Variants in SLC25A48 observed in about 807,000 individuals in gnomAD.
The protein encoded by SLC25A48 is solute carrier family 25 member 48.
SLC25A48 carries 29 observed loss-of-function variants against 32.2 expected under a neutral mutation model. That is an observed-to-expected ratio of 0.90 (90% CI 0.67 to 1.23). The LOEUF is 1.23. Ranked by LOEUF, SLC25A48 falls within the 50% of genes most tolerant of loss-of-function variation. The pLI, the probability that SLC25A48 is intolerant of heterozygous loss-of-function variation, is 0.00. For missense variants in SLC25A48, 399 were observed against 422.7 expected, an observed-to-expected ratio of 0.94 and a Z score of 0.49; for synonymous variants, 164 against 172.3, an observed-to-expected ratio of 0.95 and a Z score of 0.38.
chr5:135,793,537 AAT>A (rs1253922894), intron 3 of SLC25A48, among the ~76,000 whole-genome samples: 3 of 151,880 alleles, frequency 2.0e-5, no homozygotes, highest in African/African-American at 7.3e-5. Context: ...TATTATTCGT[AAT>A]ATCCTTGGGA....
chr5:135,822,708 A>G (rs1448691902), intron 4 of SLC25A48, among the ~76,000 whole-genome samples: 2 of 152,240 alleles, frequency 1.3e-5, no homozygotes, highest in Non-Finnish European at 2.9e-5. Context: ...CCAGGGCTTA[A>G]GACTTGAACA....
intron 3 of SLC25A48, among the ~76,000 whole-genome samples, chr5:135,808,600 T>A (rs1350823788): frequency 2.0e-5 from 3 of 152,154 alleles, no homozygotes; most frequent in African/African-American, 7.2e-5. Flanking sequence ...TAGAAAATCC[T>A]GAGGGGTAAG....
At chr5:135,638,559 G>C (rs1044955700) in intron 3 of SLC25A48, among the ~76,000 whole-genome samples, 5 of 152,180 alleles carry the variant, frequency 3.3e-5, no homozygotes, top group African/African-American at 1.2e-4. Context: ...TTTTGTTTCT[G>C]AGTTGTGTGC....
At chr5:135,833,316 A>G (rs1333872294), upstream of SLC25A48, among the ~76,000 whole-genome samples, 1 of 152,180 alleles carries the variant, frequency 6.6e-6, no homozygotes, top group South Asian at 2.1e-4. Flanking sequence ...GACCTCCTCA[A>G]TTGGTGCTGA....
At chr5:135,658,916 G>A (rs887589332) in intron 3 of SLC25A48, among the ~76,000 whole-genome samples, 2 of 152,222 alleles carry the variant, frequency 1.3e-5, no homozygotes, top group African/African-American at 4.8e-5. Context: ...AGAGCAGCGG[G>A]GCCCTGGGTC....
chr5:135,589,217 T>A (rs1751449206), intron 1 of SLC25A48, among the ~76,000 whole-genome samples: 1 of 152,234 alleles, frequency 6.6e-6, no homozygotes, highest in South Asian at 2.1e-4. Flanking sequence ...ACAGATTTTA[T>A]GAAATGTGAA....
intron 3 of SLC25A48, among the ~76,000 whole-genome samples, chr5:135,688,790 T>C (rs1258402370): frequency 6.6e-6 from 1 of 152,168 alleles, no homozygotes; most frequent in Non-Finnish European, 1.5e-5. Flanking sequence ...AATGGAGAGA[T>C]GCTTTCACCA....
At chr5:135,747,390 C>A (rs1393283300) in intron 3 of SLC25A48, among the ~76,000 whole-genome samples, 1 of 147,072 alleles carries the variant, frequency 6.8e-6, no homozygotes, top group Non-Finnish European at 1.5e-5. Context: ...TATTATTATG[C>A]TTTCTGGTCA....
intron 3 of SLC25A48, among the ~76,000 whole-genome samples, chr5:135,811,201 C>G (rs1041459376): frequency 6.6e-6 from 1 of 152,166 alleles, no homozygotes; most frequent in African/African-American, 2.4e-5. Flanking sequence ...CTATCCCCAC[C>G]CCTAGATTCT....
chr5:135,755,151 C>T (rs1207044350), intron 3 of SLC25A48, among the ~76,000 whole-genome samples: 2 of 151,528 alleles, frequency 1.3e-5, no homozygotes, highest in African/African-American at 4.8e-5. Flanking sequence ...TTTATGATAC[C>T]CAGTGTTTAC....
intron 7 of SLC25A48, among the ~76,000 whole-genome samples, chr5:135,881,323 G>A (rs1202934236): frequency 6.6e-6 from 1 of 152,214 alleles, no homozygotes; most frequent in Non-Finnish European, 1.5e-5. Context: ...GCTGGCAGGG[G>A]CATTCTCGGG....
intron 3 of SLC25A48, chr5:135,648,728 T>A (rs928031396): frequency 6.6e-6 from 1 of 152,270 alleles, no homozygotes; most frequent in South Asian, 2.1e-4. Context: ...TGAGGGCCTA[T>A]GATTGCTTGT....
chr5:135,879,821 T>G, intron 6 of SLC25A48, 147 bp from the exon 7 acceptor site: 2 of 1,153,502 alleles, frequency 1.7e-6, no homozygotes, highest in Non-Finnish European at 2.4e-6. Context: ...GACTTCCCTG[T>G]GTGGTCTCTG....
intron 3 of SLC25A48, among the ~76,000 whole-genome samples, chr5:135,714,292 A>T (rs1351018413): frequency 6.6e-6 from 1 of 152,184 alleles, no homozygotes; most frequent in Non-Finnish European, 1.5e-5. Context: ...CTCCCTGGGG[A>T]CCAGACAGAA....
intron 1 of SLC25A48, chr5:135,835,271 A>T (rs1758401579): frequency 8.6e-6 from 4 of 465,910 alleles, no homozygotes; most frequent in Non-Finnish European, 1.7e-5. Context: ...CTTATGTATG[A>T]GGGTAGCGCT....
chr5:135,846,845 A>T lies in SLC25A48; in HGVS notation c.91-3580A>T, dbSNP rs571600744. Among the ~76,000 whole-genome samples the T allele has an allele frequency of 2.0e-5, 3 of 152,358 alleles. No homozygotes were observed. The East Asian group carries it at 5.8e-4, about 29-fold the overall frequency. The stretch of plus-strand genomic sequence containing the variant: ...CAGAATCAAAATTAATGCTGCACTA[A>T]ATATTTACAAAATATAACCTCATGT... On this transcript the variant is annotated intron_variant, in intron 2 of 7. Coordinates refer to ENST00000681962, the MANE Select transcript of SLC25A48 (RefSeq NM_001349336.2).
intron 3 of SLC25A48, among the ~76,000 whole-genome samples, chr5:135,656,982 A>G (rs925703443): frequency 3.9e-5 from 6 of 152,182 alleles, no homozygotes; most frequent in Non-Finnish European, 8.8e-5. Flanking sequence ...TGGCAGCCCT[A>G]GGAAACAAGT....
In SLC25A48 at chr5:135,677,355, G is replaced by A. The variant is rs76264378; in HGVS notation, c.-521+42399G>A. Among the ~76,000 whole-genome samples, 754 of 141,986 alleles carry A rather than the reference G, an allele frequency of 5.3e-3. 17 individuals are homozygous for A. The East Asian group carries it at 0.067, about 13-fold the overall frequency. 93.1% of individuals were successfully genotyped at this position (141,986 alleles called of 152,430 possible). On this transcript the variant is annotated intron_variant, in intron 3 of 10. Coordinates refer to the SLC25A48 transcript ENST00000646290. ...GTAAAGTCTATGTTTTTTGTAGGTAGCATACACTTGGATCATGTATTTTAA... is the reference window on the plus strand; with the variant it reads ...GTAAAGTCTATGTTTTTTGTAGGTAACATACACTTGGATCATGTATTTTAA...
intron 3 of SLC25A48, among the ~76,000 whole-genome samples, chr5:135,700,084 C>G (rs1259839789): frequency 6.6e-6 from 1 of 152,036 alleles, no homozygotes; most frequent in Non-Finnish European, 1.5e-5. Context: ...CAGTCCTGCA[C>G]TTAGAAAATG....
Sources: allele counts gnomAD v4.1 joint callset (sites outside exome capture counted in the v4.1 genomes callset), GRCh38; gene constraint gnomAD v4.1.1; transcripts MANE v1.5; gene names NCBI Gene and HGNC (gene_info 2026-07-23, HGNC 2026-07-21).